Variants in PDE4D observed in about 807,000 individuals in gnomAD.
PDE4D encodes the protein 3',5'-cyclic-AMP phosphodiesterase 4D.
Under a neutral mutation model 87.4 loss-of-function variants are expected in PDE4D, and 24 were observed. That is an observed-to-expected ratio of 0.27 (90% CI 0.20 to 0.39). PDE4D has a LOEUF of 0.39. Among genes scored for constraint, PDE4D ranks in the 10% least tolerant of loss-of-function variants. The probability of loss-of-function intolerance (pLI) is 1.00; values close to 1 mark genes in which losing one functional copy is unlikely to be tolerated. For missense variants in PDE4D, 714 were observed against 1,041.0 expected (o/e 0.69, Z 4.32); for synonymous variants, 384 against 383.2 (o/e 1.00, Z -0.02).
At chr5:59,007,216 T>C (rs1176099353) in intron 6 of PDE4D, among the ~76,000 whole-genome samples, 2 of 152,326 alleles carry the variant, frequency 1.3e-5, no homozygotes, top group Non-Finnish European at 2.9e-5. Flanking sequence ...CTTACATTAT[T>C]GGAAAATATT....
intron 1 of PDE4D, among the ~76,000 whole-genome samples, chr5:59,621,368 T>C (rs1003388261): frequency 6.6e-5 from 10 of 152,212 alleles, no homozygotes; most frequent in African/African-American, 2.4e-4. Flanking sequence ...CTGAGATGCA[T>C]TGAATAGGAA....
chr5:60,054,154 A>G (rs1770519639), intron 2 of PDE4D, among the ~76,000 whole-genome samples: 1 of 152,162 alleles, frequency 6.6e-6, no homozygotes, highest in Admixed American at 6.6e-5. Context: ...AGAACCAGAT[A>G]CACCATTTGA....
At chr5:59,777,377 G>C (rs184920426) in intron 1 of PDE4D, among the ~76,000 whole-genome samples, 162 of 152,336 alleles carry the variant, frequency 1.1e-3, no homozygotes, top group African/African-American at 3.7e-3. Flanking sequence ...ACAGAAGCCT[G>C]TTGGGAGACT....
intron 2 of PDE4D, among the ~76,000 whole-genome samples, chr5:60,088,544 G>C (rs1419856601): frequency 6.6e-6 from 1 of 151,870 alleles, no homozygotes; most frequent in Admixed American, 6.6e-5. Context: ...TTACAATGTA[G>C]AGTTTATTTT....
At chr5:60,377,631 C>T (rs1761531741) in intron 1 of PDE4D, among the ~76,000 whole-genome samples, 1 of 152,078 alleles carries the variant, frequency 6.6e-6, no homozygotes, top group African/African-American at 2.4e-5. Context: ...CCTACAGAAA[C>T]CAAGAGCCAA....
At chr5:59,211,417 C>T (rs1254960722) in intron 2 of PDE4D, among the ~76,000 whole-genome samples, 1 of 152,044 alleles carries the variant, frequency 6.6e-6, no homozygotes, top group Admixed American at 6.6e-5. Flanking sequence ...CTTTGTACCT[C>T]CTTGAGCTTT....
chr5:59,432,063 T>C (rs965335868), intron 1 of PDE4D, among the ~76,000 whole-genome samples: 3 of 152,102 alleles, frequency 2.0e-5, no homozygotes, highest in Non-Finnish European at 2.9e-5. Flanking sequence ...TTTTTTAACA[T>C]GCCAAATGAC....
chr5:60,228,617 G>T (rs1312420524), intron 1 of PDE4D, among the ~76,000 whole-genome samples: 1 of 151,968 alleles, frequency 6.6e-6, no homozygotes, highest in African/African-American at 2.4e-5. Flanking sequence ...GCAAAAGCAA[G>T]CTGTGCCAAT....
chr5:59,113,278 C>T (rs1181954382), intron 5 of PDE4D, among the ~76,000 whole-genome samples: 1 of 152,140 alleles, frequency 6.6e-6, no homozygotes, highest in Non-Finnish European at 1.5e-5. Flanking sequence ...TTCTATTATT[C>T]CTTTCTTAAA....
intron 3 of PDE4D, among the ~76,000 whole-genome samples, chr5:59,929,499 T>TC (rs1018258365): frequency 1.4e-5 from 2 of 147,110 alleles, no homozygotes; most frequent in Admixed American, 1.3e-4. Context: ...GTATCTACAG[T>TC]CTTTTTTTTT....
At chr5:59,467,277 G>A (rs1364063145) in intron 1 of PDE4D, among the ~76,000 whole-genome samples, 1 of 152,082 alleles carries the variant, frequency 6.6e-6, no homozygotes, top group East Asian at 1.9e-4. Flanking sequence ...ATGATTTTAG[G>A]GCAGGAATAA....
intron 1 of PDE4D, among the ~76,000 whole-genome samples, chr5:60,314,396 A>T (rs976159450): frequency 6.6e-6 from 1 of 152,088 alleles, no homozygotes; most frequent in African/African-American, 2.4e-5. Context: ...CGAACTCCTG[A>T]GATCAGGCAA....
chr5:59,499,280 A>G (rs1259613126), intron 1 of PDE4D, among the ~76,000 whole-genome samples: 1 of 151,774 alleles, frequency 6.6e-6, no homozygotes, highest in Non-Finnish European at 1.5e-5. Context: ...CGTTAAGAGG[A>G]AAGTTTCTAG....
intron 2 of PDE4D, among the ~76,000 whole-genome samples, chr5:60,004,234 T>G (rs1400752513): frequency 1.3e-5 from 2 of 152,118 alleles, no homozygotes; most frequent in African/African-American, 4.8e-5. Flanking sequence ...TTTCTACATA[T>G]GGATGATAGA....
At chr5:60,203,107 G>A (rs1460477642) in intron 1 of PDE4D, among the ~76,000 whole-genome samples, 1 of 152,094 alleles carries the variant, frequency 6.6e-6, no homozygotes, top group Admixed American at 6.5e-5. Flanking sequence ...GAGTAGCTGG[G>A]ATTACAGGCA....
chr5:59,300,679 T>G (rs562635415), intron 1 of PDE4D, among the ~76,000 whole-genome samples: 1 of 151,752 alleles, frequency 6.6e-6, no homozygotes, highest in Non-Finnish European at 1.5e-5. Flanking sequence ...ACATGTGAGG[T>G]TTCCCCCCCA....
At chr5:59,392,294 T>C (rs1353201200) in intron 1 of PDE4D, among the ~76,000 whole-genome samples, 1 of 150,746 alleles carries the variant, frequency 6.6e-6, no homozygotes, top group Non-Finnish European at 1.5e-5. Flanking sequence ...CAGAAACATG[T>C]GAAAAGAAAG....
At chr5:59,427,753 T>C (rs531242997) in intron 1 of PDE4D, among the ~76,000 whole-genome samples, 11 of 149,538 alleles carry the variant, frequency 7.4e-5, no homozygotes, top group South Asian at 2.1e-4. Context: ...CCAGGAGTTC[T>C]AGGCTGCCCT....
intron 2 of PDE4D, among the ~76,000 whole-genome samples, chr5:59,208,012 A>AC (rs1451547688): frequency 6.6e-6 from 1 of 151,158 alleles, no homozygotes; most frequent in Non-Finnish European, 1.5e-5. Flanking sequence ...AAAAAAAAAA[A>AC]CACAATCAGC....
Sources: gnomAD v4.1 joint callset for allele counts (sites outside exome capture counted in the v4.1 genomes callset) on GRCh38, gnomAD v4.1.1 for gene constraint, MANE v1.5 for transcripts, NCBI Gene and HGNC (gene_info 2026-07-23, HGNC 2026-07-21) for gene names.